ANXA11: variants seen among roughly 807,000 people sequenced by gnomAD.
ANXA11 encodes the protein annexin A11, also known as 56 kDa autoantigen.
Under a neutral mutation model 64.7 loss-of-function variants are expected in ANXA11, and 57 were observed. That is an observed-to-expected ratio of 0.88 (90% CI 0.71 to 1.10). The LOEUF is 1.10. Ranked by LOEUF, ANXA11 falls within the 50% of genes least tolerant of loss-of-function variation. ANXA11 has a pLI of 0.00. For synonymous variants in ANXA11, 260 were observed against 265.2 expected (o/e 0.98, Z 0.19); for missense variants, 675 against 670.7 (o/e 1.01, Z -0.07).
rs556983568 is a variant in ANXA11 at position 80,151,984 on chromosome 10, G to A, written c.*3869C>T. ...TTAGGACCATCTACCCAGCCACAGG[G>A]TGAGCACTCCAAGGTTTCTTTCTTA... On this transcript the variant is annotated 3_prime_UTR_variant, in exon 16 of 16. Coordinates refer to ENST00000422982, the MANE Select transcript of ANXA11 (RefSeq NM_145868.2). 1 of 152,300 alleles carries A rather than the reference G, an allele frequency of 6.6e-6. No individual in the cohort carries two copies. Among genetic ancestry groups the A allele is most frequent in the East Asian group, 1.9e-4 (1 of 5,190 alleles). The allele number at this position is 152,300 out of a possible 1,614,324, so 9.4% of individuals were successfully genotyped here.
At chr10:80,163,270 A>C in intron 11 of ANXA11, 79 bp downstream of exon 11, 2 of 1,515,938 alleles carry the variant, frequency 1.3e-6, no homozygotes, top group Non-Finnish European at 1.8e-6. Context: ...TTTCCACCCT[A>C]GGGTACCTCT....
intron 12 of ANXA11, among the ~76,000 whole-genome samples, chr10:80,159,402 C>G (rs1298024499): frequency 6.6e-6 from 1 of 152,184 alleles, no homozygotes; most frequent in Non-Finnish European, 1.5e-5. Context: ...TTAGGACACA[C>G]ACAGAGATCC....
rs111749321 is a variant in ANXA11, at chr10:80,159,099, C to A, written c.1276+1G>T. On this transcript the variant is annotated splice_donor_variant, in intron 13 of 15. Coordinates refer to ENST00000422982, the MANE Select transcript of ANXA11 (RefSeq NM_145868.2). LOFTEE classifies it high-confidence loss of function. ...GTGGGCGGCAAACCTGAGACACTTA[C>A]CCACGGCCAGCATGCCCTCCTCCAG... The A allele has an allele frequency of 6.2e-7, 1 of 1,613,476 alleles. No individual in the cohort carries two copies. Among genetic ancestry groups the A allele is most frequent in the African/African-American group, 1.3e-5 (1 of 75,016 alleles).
chr10:80,186,611 G>A (rs1846550056), intron 1 of ANXA11, among the ~76,000 whole-genome samples: 1 of 152,140 alleles, frequency 6.6e-6, no homozygotes, highest in Non-Finnish European at 1.5e-5. Context: ...GCAGAGGCAG[G>A]GCCTCAGCCT....
intron 8 of ANXA11, 131 bp downstream of exon 8, chr10:80,165,953 G>A: frequency 1.9e-6 from 1 of 519,198 alleles, no homozygotes; most frequent in South Asian, 3.0e-5. Flanking sequence ...GACAACAGCA[G>A]CTAATGAGTG....
chr10:80,202,813 A>G (rs1052025585), intron 1 of ANXA11, among the ~76,000 whole-genome samples: 1 of 152,158 alleles, frequency 6.6e-6, no homozygotes, highest in Non-Finnish European at 1.5e-5. Flanking sequence ...TGGGAGACTG[A>G]GGCAGGCAGA....
In ANXA11 at chr10:80,166,040, GCGCACA is replaced by G. The variant is rs1356994789; in HGVS notation, c.858+38_858+43del. On this transcript the variant is annotated intron_variant, in intron 8 of 15. Transcript: ENST00000422982. ...CGCATGCGCGCGTGCGCACACACGCGCGCACACACACACACACACACACACACACAC... is the reference window on the plus strand; with the variant it reads ...CGCATGCGCGCGTGCGCACACACGCGCACACACACACACACACACACACAC... The G allele has an allele frequency of 4.2e-3, 4,520 of 1,073,978 alleles. 32 individuals are homozygous for G. Among genetic ancestry groups the G allele is most frequent in the Admixed American group, 4.6e-3 (222 of 48,674 alleles). The allele number at this position is 1,073,978 out of a possible 1,614,324, so 66.5% of individuals were successfully genotyped here.
chr10:80,203,768 C>T (rs1424870156), intron 1 of ANXA11, among the ~76,000 whole-genome samples: 2 of 152,208 alleles, frequency 1.3e-5, no homozygotes, highest in African/African-American at 2.4e-5. Flanking sequence ...GGATGGCTCC[C>T]AGGAGGGTGG....
intron 11 of ANXA11, among the ~76,000 whole-genome samples, chr10:80,162,967 T>C (rs1845573427): frequency 6.6e-6 from 1 of 152,224 alleles, no homozygotes; most frequent in Non-Finnish European, 1.5e-5. Flanking sequence ...ATGTGGCAGC[T>C]GGTTTCTAGG....
intron 8 of ANXA11, among the ~76,000 whole-genome samples, chr10:80,164,895 C>G (rs919137913): frequency 7.2e-5 from 11 of 152,250 alleles, no homozygotes; most frequent in Non-Finnish European, 1.3e-4. Context: ...TCAGCTGTTT[C>G]CTGCTACAGC....
In ANXA11 at chr10:80,202,374, T is replaced by C. The variant is rs185075973; in HGVS notation, c.-58+2969A>G. Among the ~76,000 whole-genome samples, 10 of 152,228 alleles carry C rather than the reference T, an allele frequency of 6.6e-5. No individual in the cohort carries two copies. In the East Asian group the frequency reaches 1.7e-3, roughly 26 times the overall value. ...GCTGTACTTTTAGGATCCTCCCAAA[T>C]AGCAAACAACTATGTGACTATCAGG... On this transcript the variant is annotated intron_variant, in intron 1 of 15. Coordinates refer to ENST00000422982, the MANE Select transcript of ANXA11 (RefSeq NM_145868.2).
At chr10:80,157,305 C>T (rs1156652906) in intron 15 of ANXA11, 3 of 985,420 alleles carry the variant, frequency 3.0e-6, no homozygotes, top group Non-Finnish European at 3.6e-6. Flanking sequence ...GACAGCAGAG[C>T]TCCACAGAGC....
intron 12 of ANXA11, among the ~76,000 whole-genome samples, chr10:80,159,474 C>A (rs762296563): frequency 6.6e-6 from 1 of 152,160 alleles, no homozygotes; most frequent in Non-Finnish European, 1.5e-5. Context: ...GAAGAGGCCA[C>A]GGGAGAAACC....
At chr10:80,156,947 T>A in intron 15 of ANXA11, 1 of 981,896 alleles carries the variant, frequency 1.0e-6, no homozygotes, top group Non-Finnish European at 1.2e-6. Flanking sequence ...ATTGCAAGGC[T>A]CATGTGAGTT....
intron 2 of ANXA11, chr10:80,173,098 C>A: frequency 2.0e-6 from 1 of 511,050 alleles, no homozygotes; most frequent in Non-Finnish European, 3.5e-6. Flanking sequence ...GCCACACCCC[C>A]GGCCCCACCC....
rs762705669 is a variant in ANXA11, at chr10:80,155,930, G to C, written c.1459-18C>G. ...GTATCTCCCTGGCCACAGAAACAAG[G>C]AAGACATCCGTTAAGGGAGGGACAG... On this transcript the variant is annotated intron_variant, in intron 15 of 15. Coordinates refer to ENST00000422982, the MANE Select transcript of ANXA11 (RefSeq NM_145868.2). 6.2e-7 allele frequency: 1 copy of C among 1,612,648 alleles called. No individual in the cohort carries two copies. Among genetic ancestry groups the C allele is most frequent in the Non-Finnish European group, 8.5e-7 (1 of 1,178,614 alleles).
chr10:80,191,500 C>T (rs1331057463), intron 1 of ANXA11, among the ~76,000 whole-genome samples: 1 of 152,202 alleles, frequency 6.6e-6, no homozygotes, highest in African/African-American at 2.4e-5. Context: ...TTCCAAAGGC[C>T]TCTGTTCTCT....
At chr10:80,162,131 G>T in intron 11 of ANXA11, 103 bp from the exon 12 acceptor site, 1 of 992,536 alleles carries the variant, frequency 1.0e-6, no homozygotes, top group Non-Finnish European at 1.5e-6. Flanking sequence ...TGAGCCTAAA[G>T]TATTTGCCAA....
At chr10:80,182,782 C>T (rs979571222) in intron 1 of ANXA11, among the ~76,000 whole-genome samples, 1 of 152,160 alleles carries the variant, frequency 6.6e-6, no homozygotes, top group African/African-American at 2.4e-5. Flanking sequence ...CGGGAGAAGG[C>T]TCGGCTCTGG....
Sources: gnomAD v4.1 joint callset for allele counts (sites outside exome capture counted in the v4.1 genomes callset) on GRCh38, gnomAD v4.1.1 for gene constraint, MANE v1.5 for transcripts, NCBI Gene and HGNC (gene_info 2026-07-23, HGNC 2026-07-21) for gene names.